WDFY3: variants seen among roughly 807,000 people sequenced by gnomAD.
The protein encoded by WDFY3 is WD repeat and FYVE domain containing 3.
WDFY3 carries 66 observed loss-of-function variants against 409.6 expected under a neutral mutation model. The ratio of observed to expected loss-of-function variants is 0.16; its 90% CI spans 0.13 to 0.20. WDFY3 has a LOEUF of 0.20. Ranked by LOEUF, WDFY3 falls within the 10% of genes least tolerant of loss-of-function variation. The pLI is 1.00. For missense variants in WDFY3, 3,031 were observed against 4,298.1 expected (o/e 0.71, Z 8.24); for synonymous variants, 1,521 against 1,537.1 (o/e 0.99, Z 0.25).
intron 2 of WDFY3, among the ~76,000 whole-genome samples, chr4:84,900,663 T>C (rs970222462): frequency 1.3e-5 from 2 of 152,290 alleles, no homozygotes; most frequent in Non-Finnish European, 2.9e-5. Flanking sequence ...AGATTGGTGG[T>C]TGCCAGGGGT....
At chr4:84,785,933 C>T (rs757057844) in intron 24 of WDFY3, 46 bp downstream of exon 24, 29 of 1,601,176 alleles carry the variant, frequency 1.8e-5, no homozygotes, top group Admixed American at 5.2e-5. Context: ...GAGACATGTT[C>T]CCAGTGAGAA....
At chr4:84,695,509 TAGAGAGAGAG>T (rs869147060) in intron 58 of WDFY3, among the ~76,000 whole-genome samples, 2,898 of 107,368 alleles carry the variant, frequency 0.027, 71 homozygotes, top group African/African-American at 0.074. Flanking sequence ...CAGAGAGAGA[TAGAGAGAGAG>T]AGAGAGAGAG....
At chr4:84,818,010 TG>T (rs1231805736) in intron 12 of WDFY3, among the ~76,000 whole-genome samples, 4 of 152,112 alleles carry the variant, frequency 2.6e-5, no homozygotes, top group Non-Finnish European at 5.9e-5. Context: ...TATTCCACCA[TG>T]GGAAAAATTA....
chr4:84,944,292 A>AG (rs1285083420), intron 1 of WDFY3, among the ~76,000 whole-genome samples: 2 of 150,436 alleles, frequency 1.3e-5, no homozygotes, highest in Non-Finnish European at 3.0e-5. Context: ...TGGGAGGCTG[A>AG]GGGGGATGGA....
intron 2 of WDFY3, among the ~76,000 whole-genome samples, chr4:84,901,610 A>G (rs1251194345): frequency 6.6e-6 from 1 of 152,212 alleles, no homozygotes; most frequent in African/African-American, 2.4e-5. Flanking sequence ...CACAATGGCC[A>G]TTACATTTCA....
intron 46 of WDFY3, 81 bp from the exon 47 acceptor site, chr4:84,721,653 T>C (rs1450484516): frequency 6.6e-7 from 1 of 1,513,072 alleles, no homozygotes; most frequent in Non-Finnish European, 8.8e-7. Context: ...TAGTTCCTTC[T>C]ATAGATTTCC....
At chr4:84,884,628 T>C (rs1159119149) in intron 3 of WDFY3, among the ~76,000 whole-genome samples, 1 of 152,170 alleles carries the variant, frequency 6.6e-6, no homozygotes, top group Non-Finnish European at 1.5e-5. Flanking sequence ...TTAGGAAACA[T>C]AACAGGTAAC....
intron 67 of WDFY3, among the ~76,000 whole-genome samples, chr4:84,675,727 T>TA (rs1726161625): frequency 6.6e-6 from 1 of 152,130 alleles, no homozygotes; most frequent in African/African-American, 2.4e-5. Flanking sequence ...TATGAAAGCA[T>TA]CTCTGGAGTA....
chr4:84,673,010 C>T lies in WDFY3; in HGVS notation c.10458-19G>A, dbSNP rs1217609348. On this transcript the variant is annotated intron_variant, in intron 67 of 67. Transcript: ENST00000295888. Reference sequence around the variant, plus strand: ...ACTGCACCTAAAGGAAAGGAAAAGTCAATTAATTATAGGTCTTCTCCATGC... The same window carrying T: ...ACTGCACCTAAAGGAAAGGAAAAGTTAATTAATTATAGGTCTTCTCCATGC... 1.2e-6 allele frequency: 2 copies of T among 1,613,524 alleles called. No individual in the cohort carries two copies. The highest frequency in any genetic ancestry group is 8.5e-7 in the Non-Finnish European group (1 of 1,179,830).
intron 34 of WDFY3, among the ~76,000 whole-genome samples, chr4:84,754,968 G>A (rs916898470): frequency 6.6e-6 from 1 of 152,076 alleles, no homozygotes; most frequent in African/African-American, 2.4e-5. Flanking sequence ...CCTAAGAGAT[G>A]CATGCTATTA....
intron 56 of WDFY3, 77 bp from the exon 57 acceptor site, chr4:84,696,900 G>T: frequency 7.7e-7 from 1 of 1,298,768 alleles, no homozygotes; most frequent in Non-Finnish European, 1.1e-6. Flanking sequence ...ATCTGACTGA[G>T]AAATGGTGGG....
rs1738475682 is a variant in WDFY3 at position 84,741,744 on chromosome 4, TA to T, written c.6234+16del. On this transcript the variant is annotated intron_variant, in intron 38 of 67. Coordinates refer to ENST00000295888, the MANE Select transcript of WDFY3 (RefSeq NM_014991.6). ...AGGAAAACATGTACTCTACAACTGA[TA>T]GTGACAATGGATTACCTGTGCAATT... 11 of 1,592,000 alleles carry T rather than the reference TA, an allele frequency of 6.9e-6. No individual in the cohort carries two copies. Among genetic ancestry groups the T allele is most frequent in the Middle Eastern group, 1.7e-4 (1 of 5,926 alleles).
At chr4:84,894,772 C>T (rs1366148626) in intron 3 of WDFY3, among the ~76,000 whole-genome samples, 4 of 149,208 alleles carry the variant, frequency 2.7e-5, no homozygotes, top group Non-Finnish European at 4.4e-5. Flanking sequence ...GGTGACAAAG[C>T]GAGACTCAGT....
chr4:84,949,775 C>CA lies in WDFY3; in HGVS notation c.-226+16433dup, dbSNP rs771599765. ...ATCAAGCCACAGATGGGATCACCGCCAAAAAAACTACCAAGTAGTCGAAAA... is the reference window on the plus strand; with the variant it reads ...ATCAAGCCACAGATGGGATCACCGCCAAAAAAAACTACCAAGTAGTCGAAAA... On this transcript the variant is annotated intron_variant, in intron 1 of 67. Transcript: ENST00000295888. 1.4e-3 allele frequency among the ~76,000 whole-genome samples: 219 copies of CA among 152,076 alleles called. 1 individual carries two copies. The highest frequency in any genetic ancestry group is 5.0e-3 in the African/African-American group (207 of 41,508).
At chr4:84,736,923 A>C (rs1389274947) in intron 41 of WDFY3, among the ~76,000 whole-genome samples, 1 of 151,966 alleles carries the variant, frequency 6.6e-6, no homozygotes, top group Non-Finnish European at 1.5e-5. Context: ...GACAGTGACA[A>C]TACTAGAGCT....
rs757586119 is a variant in WDFY3, at chr4:84,796,631, C to T, written c.3057G>A (p.Leu1019=). Residue 1019 remains leucine, a synonymous_variant, in exon 19 of 68, where the codon CTG becomes CTA. Transcript: ENST00000295888. ...TGGAGACCAGACACTTCACCCTGGT[C>T]AGGGGTACAGTACTTCCTTCCGCAG... is the stretch of plus-strand genomic sequence containing the variant. ...VKSAEGSTVP[L]TRVKCLVSMT... 13 of 1,613,960 alleles carry T rather than the reference C, an allele frequency of 8.1e-6. No homozygotes were observed. The highest frequency in any genetic ancestry group is 2.7e-5 in the African/African-American group (2 of 74,914).
chr4:84,873,851 G>A (rs1762433425), intron 3 of WDFY3, among the ~76,000 whole-genome samples: 1 of 151,532 alleles, frequency 6.6e-6, no homozygotes, highest in African/African-American at 2.4e-5. Flanking sequence ...GGTATGATCA[G>A]GGCTCAGTGT....
intron 32 of WDFY3, among the ~76,000 whole-genome samples, chr4:84,763,381 AG>A (rs1357120861): frequency 6.7e-6 from 1 of 149,764 alleles, no homozygotes; most frequent in Non-Finnish European, 1.5e-5. Context: ...GGTCTGTTGT[AG>A]GGTGGGGGTT....
intron 2 of WDFY3, among the ~76,000 whole-genome samples, chr4:84,902,876 T>A (rs1292978044): frequency 2.6e-5 from 4 of 152,216 alleles, no homozygotes; most frequent in Non-Finnish European, 5.9e-5. Context: ...AGATAGCATA[T>A]GTAAAGTCTT....
Sources: allele counts gnomAD v4.1 joint callset (sites outside exome capture counted in the v4.1 genomes callset), GRCh38; gene constraint gnomAD v4.1.1; transcripts MANE v1.5; gene names NCBI Gene and HGNC (gene_info 2026-07-23, HGNC 2026-07-21).